The following PKIG variants were observed in gnomAD, a reference collection of about 807,000 sequenced individuals.
The protein encoded by PKIG is cAMP-dependent protein kinase inhibitor gamma.
PKIG carries 1 observed loss-of-function variant against 6.8 expected under a neutral mutation model. The ratio of observed to expected loss-of-function variants is 0.15; its 90% confidence interval spans 0.05 to 0.69. The LOEUF (loss-of-function observed/expected upper bound fraction) is 0.69, where lower values mean the gene tolerates loss of function less well. Ranked by LOEUF, PKIG falls within the 30% of genes least tolerant of loss-of-function variation. The pLI is 0.82. For missense variants in PKIG, 77 were observed against 104.0 expected, an observed-to-expected ratio of 0.74 and a Z score of 1.13; for synonymous variants, 39 against 43.0, an observed-to-expected ratio of 0.91 and a Z score of 0.36.
chr20:44,581,055 G>A (rs1223637149), upstream of PKIG, among the ~76,000 whole-genome samples: 5 of 152,184 alleles, frequency 3.3e-5, no homozygotes, highest in Non-Finnish European at 7.3e-5. Flanking sequence ...CAACCACTTT[G>A]AGAAATGGCA....
intron 2 of PKIG, among the ~76,000 whole-genome samples, chr20:44,593,892 A>C (rs966210013): frequency 1.3e-5 from 2 of 152,172 alleles, no homozygotes; most frequent in African/African-American, 4.8e-5. Context: ...AATTTAAAGA[A>C]TCTGCCCAGG....
chr20:44,550,140 C>G (rs562707447), intron 1 of PKIG, among the ~76,000 whole-genome samples: 1 of 148,228 alleles, frequency 6.7e-6, no homozygotes, highest in African/African-American at 2.5e-5. Flanking sequence ...TATGTGCTTA[C>G]CATTGTGCTG....
intron 2 of PKIG, among the ~76,000 whole-genome samples, chr20:44,593,577 G>C (rs1248829850): frequency 6.6e-6 from 1 of 152,158 alleles, no homozygotes; most frequent in South Asian, 2.1e-4. Flanking sequence ...GAGAGTAGAA[G>C]GGTGGTTTCC....
At chr20:44,607,366 T>C (rs1014400464) in intron 2 of PKIG, among the ~76,000 whole-genome samples, 10 of 118,402 alleles carry the variant, frequency 8.4e-5, no homozygotes, top group African/African-American at 4.0e-4. Context: ...TGTGTATATA[T>C]ATATATATAT....
chr20:44,569,096 C>T (rs1488150582), intron 1 of PKIG, among the ~76,000 whole-genome samples: 1 of 152,146 alleles, frequency 6.6e-6, no homozygotes, highest in Non-Finnish European at 1.5e-5. Flanking sequence ...TCCCATGTCC[C>T]CCCTACATTT....
intron 2 of PKIG, among the ~76,000 whole-genome samples, chr20:44,595,584 G>A (rs1395683162): frequency 6.6e-6 from 1 of 152,182 alleles, no homozygotes; most frequent in African/African-American, 2.4e-5. Context: ...CATGATCTTG[G>A]CTCACTGCAA....
intron 1 of PKIG, among the ~76,000 whole-genome samples, chr20:44,562,644 A>G (rs1272460513): frequency 6.6e-6 from 1 of 151,932 alleles, no homozygotes; most frequent in Non-Finnish European, 1.5e-5. Flanking sequence ...AAAAGAGTGA[A>G]AAAGGGAGAT....
chr20:44,552,321 T>C (rs1242579338), intron 1 of PKIG, among the ~76,000 whole-genome samples: 2 of 152,254 alleles, frequency 1.3e-5, no homozygotes, highest in African/African-American at 4.8e-5. Flanking sequence ...TTTGATTGTG[T>C]GTTTCCCTTT....
At chr20:44,615,081 C>A (rs2065252746) in intron 3 of PKIG, among the ~76,000 whole-genome samples, 1 of 152,106 alleles carries the variant, frequency 6.6e-6, no homozygotes, top group Non-Finnish European at 1.5e-5. Flanking sequence ...CTGTTCAGCT[C>A]TATGCAGCAG....
chr20:44,586,917 C>A (rs1178193361), intron 1 of PKIG, among the ~76,000 whole-genome samples: 2 of 152,146 alleles, frequency 1.3e-5, no homozygotes, highest in Non-Finnish European at 2.9e-5. Flanking sequence ...AAAAAGAAGT[C>A]TCTTTAATGT....
chr20:44,589,286 A>G (rs945348368), intron 1 of PKIG, among the ~76,000 whole-genome samples: 5 of 152,258 alleles, frequency 3.3e-5, no homozygotes, highest in Admixed American at 1.3e-4. Flanking sequence ...ACATTGAGCT[A>G]TGATTGCACC....
At chr20:44,554,737 G>T (rs2064698601) in intron 1 of PKIG, among the ~76,000 whole-genome samples, 1 of 152,172 alleles carries the variant, frequency 6.6e-6, no homozygotes, top group Non-Finnish European at 1.5e-5. Flanking sequence ...GATCCAAAGT[G>T]TCTATGCAGA....
At chr20:44,560,119 G>T (rs2064754010) in intron 1 of PKIG, among the ~76,000 whole-genome samples, 1 of 152,062 alleles carries the variant, frequency 6.6e-6, no homozygotes, top group Non-Finnish European at 1.5e-5. Context: ...GCATGGTGTT[G>T]CACACCTGTA....
At chr20:44,541,457 T>C (rs1356010453) in intron 1 of PKIG, among the ~76,000 whole-genome samples, 1 of 152,002 alleles carries the variant, frequency 6.6e-6, no homozygotes, top group Non-Finnish European at 1.5e-5. Context: ...TCCAGCTAAT[T>C]TTAAAATTTT....
Position 44,614,701 on chromosome 20 carries a change from G to A in PKIG, c.145G>A (p.Gly49Arg), listed in dbSNP as rs772358296. The change falls in exon 3 of 4, where the codon GGG (glycine) becomes AGG (arginine). Residue 49 changes from glycine to arginine, a missense_variant. Coordinates refer to ENST00000372886, the MANE Select transcript of PKIG (RefSeq NM_001281445.2). The surrounding 1 kb of genome is among the most constrained non-coding windows in gnomAD (Gnocchi z 4.6). Reference sequence around the variant, plus strand: ...AGACATGGGCGAGCTGGCACTCGAGGGGGCAGGTTAGAGCCAGCAGGTCCT... The same window carrying A: ...AGACATGGGCGAGCTGGCACTCGAGAGGGCAGGTTAGAGCCAGCAGGTCCT... ...AGDMGELALEGAEGQVEGSAP... is the reference protein window; with the variant it reads ...AGDMGELALERAEGQVEGSAP... 3 of 1,613,676 alleles carry A rather than the reference G, an allele frequency of 1.9e-6. No homozygotes were observed. The highest frequency in any genetic ancestry group is 2.2e-5 in the East Asian group (1 of 44,884).
intron 1 of PKIG, chr20:44,564,425 C>CT (rs2064793317): frequency 1.3e-5 from 2 of 151,952 alleles, no homozygotes; most frequent in Non-Finnish European, 2.9e-5. Flanking sequence ...TATCACTGGC[C>CT]TCATGACATG....
At chr20:44,582,065 C>CG (rs1364730970), upstream of PKIG, among the ~76,000 whole-genome samples, 1 of 152,012 alleles carries the variant, frequency 6.6e-6, no homozygotes, top group Admixed American at 6.6e-5. Context: ...AAGCCTTCCC[C>CG]GGGGGCACAC....
intron 1 of PKIG, among the ~76,000 whole-genome samples, chr20:44,533,707 C>T (rs945989506): frequency 1.3e-5 from 2 of 151,726 alleles, no homozygotes; most frequent in Admixed American, 1.3e-4. Context: ...TGAGATTATT[C>T]AGGGCTACTG....
At chr20:44,576,785 A>C (rs1312410582) in intron 1 of PKIG, among the ~76,000 whole-genome samples, 1 of 152,188 alleles carries the variant, frequency 6.6e-6, no homozygotes, top group Non-Finnish European at 1.5e-5. Flanking sequence ...TTGGAAACTT[A>C]TCTCAAGCTG....
Sources: gnomAD v4.1 joint callset for allele counts (sites outside exome capture counted in the v4.1 genomes callset) on GRCh38, gnomAD v4.1.1 for gene constraint, Gnocchi (gnomAD v3.1) non-coding constraint, MANE v1.5 for transcripts, NCBI Gene and HGNC (gene_info 2026-07-23, HGNC 2026-07-21) for gene names.